The following PLPPR1 variants were observed in gnomAD, a reference collection of about 807,000 sequenced individuals.
PLPPR1 encodes the protein phospholipid phosphatase related 1.
PLPPR1 carries 10 observed loss-of-function variants against 33.1 expected under a neutral mutation model. That is an observed-to-expected ratio of 0.30 (90% confidence interval 0.19 to 0.51). The LOEUF is 0.51. Ranked by LOEUF, PLPPR1 falls within the 20% of genes least tolerant of loss-of-function variation. The pLI is 0.97. For synonymous variants in PLPPR1, 151 were observed against 151.0 expected (o/e 1.00, Z 0.00); for missense variants, 304 against 408.1 (o/e 0.74, Z 2.20).
At chr9:101,154,371 A>G (rs2118656908) in intron 1 of PLPPR1, among the ~76,000 whole-genome samples, 1 of 152,278 alleles carries the variant, frequency 6.6e-6, no homozygotes, top group Non-Finnish European at 1.5e-5. Flanking sequence ...ACTATTAATT[A>G]TTGTCTCAAT....
At chr9:101,322,419 A>G (rs1829171516) in intron 7 of PLPPR1, 1 of 152,046 alleles carries the variant, frequency 6.6e-6, no homozygotes, top group African/African-American at 2.4e-5. Flanking sequence ...CTTCCATTTG[A>G]TGAACCTGGA....
intron 4 of PLPPR1, among the ~76,000 whole-genome samples, chr9:101,288,062 G>A (rs900837239): frequency 1.3e-5 from 2 of 152,082 alleles, no homozygotes; most frequent in Admixed American, 6.5e-5. Context: ...TACCTTTTGT[G>A]ACCCACCCAC....
chr9:101,211,390 A>G (rs1232788193), intron 2 of PLPPR1, among the ~76,000 whole-genome samples: 1 of 152,224 alleles, frequency 6.6e-6, no homozygotes, highest in Admixed American at 6.5e-5. Context: ...ACATTGTCCA[A>G]ATCAAAAAAT....
At chr9:101,185,332 T>C in intron 1 of PLPPR1, 118 bp from the exon 2 acceptor site, 2 of 490,946 alleles carry the variant, frequency 4.1e-6, no homozygotes, top group East Asian at 3.3e-5. Context: ...CTGTATTGCT[T>C]TTGCACACAG....
At chr9:101,149,648 G>A (rs534846939) in intron 1 of PLPPR1, among the ~76,000 whole-genome samples, 36 of 152,138 alleles carry the variant, frequency 2.4e-4, no homozygotes, top group African/African-American at 4.1e-4. Context: ...AATTCATTAC[G>A]TTGTCATATA....
chr9:101,258,491 T>C (rs1256622432), intron 2 of PLPPR1, among the ~76,000 whole-genome samples: 1 of 152,186 alleles, frequency 6.6e-6, no homozygotes, highest in Non-Finnish European at 1.5e-5. Context: ...GACCTCAAGT[T>C]AGCACCAAAA....
At chr9:101,316,342 C>T (rs1829049169) in intron 6 of PLPPR1, among the ~76,000 whole-genome samples, 1 of 151,688 alleles carries the variant, frequency 6.6e-6, no homozygotes, top group South Asian at 2.1e-4. Context: ...GAGGCTGAGG[C>T]AGGAGAATGG....
chr9:101,320,282 C>G (rs1050379347), intron 7 of PLPPR1, among the ~76,000 whole-genome samples: 1 of 152,216 alleles, frequency 6.6e-6, no homozygotes, highest in African/African-American at 2.4e-5. Context: ...AGACCCCTCT[C>G]ATGTGACTGT....
chr9:101,291,694 C>A (rs539046911), intron 4 of PLPPR1, among the ~76,000 whole-genome samples: 4 of 152,322 alleles, frequency 2.6e-5, no homozygotes, highest in African/African-American at 9.6e-5. Context: ...CTGGAGTGGA[C>A]CTCTAGCAAA....
intron 1 of PLPPR1, among the ~76,000 whole-genome samples, chr9:101,032,206 A>T (rs1292079099): frequency 1.3e-5 from 2 of 151,914 alleles, no homozygotes; most frequent in African/African-American, 4.9e-5. Flanking sequence ...ATCCAAGCAT[A>T]AGAACTTCAA....
intron 1 of PLPPR1, among the ~76,000 whole-genome samples, chr9:101,141,879 T>C (rs1476904857): frequency 1.3e-5 from 2 of 152,126 alleles, no homozygotes; most frequent in African/African-American, 4.8e-5. Flanking sequence ...ATCAACCCCA[T>C]TGTTGACTTT....
rs72741495 is a variant in PLPPR1 at position 101,273,701 on chromosome 9, A to G, written c.252+3633A>G. 1.7e-3 allele frequency among the ~76,000 whole-genome samples: 257 copies of G among 152,312 alleles called. 5 individuals carry two copies. Among genetic ancestry groups the G allele is most frequent in the Admixed American group, 1.2e-3 (18 of 15,298 alleles). ...AAGAAAGTAAACATTTTCAACTATTATTTCTGAATGGTAATGTTAGTTTTT... is the reference window on the plus strand; with the variant it reads ...AAGAAAGTAAACATTTTCAACTATTGTTTCTGAATGGTAATGTTAGTTTTT... On this transcript the variant is annotated intron_variant, in intron 3 of 7. Coordinates refer to ENST00000374874, the MANE Select transcript of PLPPR1 (RefSeq NM_207299.2).
At chr9:101,089,743 C>A (rs1010931874) in intron 1 of PLPPR1, among the ~76,000 whole-genome samples, 3 of 152,142 alleles carry the variant, frequency 2.0e-5, no homozygotes, top group Admixed American at 6.5e-5. Flanking sequence ...AAACTTATCA[C>A]AGTGAACCTT....
chr9:101,209,234 C>A (rs1826641475), intron 2 of PLPPR1, among the ~76,000 whole-genome samples: 1 of 152,156 alleles, frequency 6.6e-6, no homozygotes, highest in African/African-American at 2.4e-5. Flanking sequence ...TTCTGTGTTC[C>A]ATTTACAGAA....
intron 1 of PLPPR1, among the ~76,000 whole-genome samples, chr9:101,170,442 T>C (rs1825924886): frequency 6.6e-6 from 1 of 152,086 alleles, no homozygotes; most frequent in African/African-American, 2.4e-5. Flanking sequence ...AACCATCAGA[T>C]CTCATGAGAA....
At chr9:101,040,959 G>A (rs185206638) in intron 1 of PLPPR1, among the ~76,000 whole-genome samples, 27 of 152,206 alleles carry the variant, frequency 1.8e-4, no homozygotes, top group African/African-American at 5.8e-4. Flanking sequence ...TTAAGACACC[G>A]GTGGCAATCA....
intron 1 of PLPPR1, among the ~76,000 whole-genome samples, chr9:101,083,170 T>G (rs1830640670): frequency 6.6e-6 from 1 of 152,070 alleles, no homozygotes; most frequent in South Asian, 2.1e-4. Context: ...TTTGTTTTCT[T>G]TTTTTTGAGA....
chr9:101,291,110 TA>T (rs2118923277), intron 4 of PLPPR1, among the ~76,000 whole-genome samples: 1 of 152,268 alleles, frequency 6.6e-6, no homozygotes, highest in South Asian at 2.1e-4. Context: ...ACAACAGGCT[TA>T]AAAAACAGCG....
chr9:101,052,434 C>T (rs10118700), intron 1 of PLPPR1, among the ~76,000 whole-genome samples: 1,606 of 152,248 alleles, frequency 0.011, 12 homozygotes, highest in Middle Eastern at 0.02. Context: ...GGACAGCCCT[C>T]CACTCTCACA....
Sources: gnomAD v4.1 joint callset for allele counts (sites outside exome capture counted in the v4.1 genomes callset) on GRCh38, gnomAD v4.1.1 for gene constraint, MANE v1.5 for transcripts, NCBI Gene and HGNC (gene_info 2026-07-23, HGNC 2026-07-21) for gene names.